Variants in SLC44A5 observed in about 807,000 individuals in gnomAD.
SLC44A5 encodes choline transporter-like protein 5.
SLC44A5 carries 57 observed loss-of-function variants against 101.8 expected under a neutral mutation model. That is an observed-to-expected ratio of 0.56 (90% CI 0.45 to 0.70). The LOEUF (loss-of-function observed/expected upper bound fraction) is 0.70. Ranked by LOEUF, SLC44A5 falls within the 30% of genes least tolerant of loss-of-function variation. The pLI, the probability that SLC44A5 is intolerant of heterozygous loss-of-function variation, is 0.00. For missense variants in SLC44A5, 737 were observed against 853.1 expected (o/e 0.86, Z 1.70); for synonymous variants, 281 against 290.9 (o/e 0.97, Z 0.35).
At chr1:75,330,196 C>CAT (rs772833551) in intron 4 of SLC44A5, among the ~76,000 whole-genome samples, 13 of 137,222 alleles carry the variant, frequency 9.5e-5, no homozygotes, top group South Asian at 2.4e-4. Flanking sequence ...TACGTATATG[C>CAT]ATATATATAT....
At chr1:75,509,731 A>T (rs1214179973) in intron 2 of SLC44A5, among the ~76,000 whole-genome samples, 1 of 152,320 alleles carries the variant, frequency 6.6e-6, no homozygotes, top group East Asian at 1.9e-4. Context: ...TACAGAGACA[A>T]AATACAGTGC....
intron 7 of SLC44A5, among the ~76,000 whole-genome samples, chr1:75,250,233 A>T (rs536727856): frequency 6.6e-6 from 1 of 152,092 alleles, no homozygotes; most frequent in African/African-American, 2.4e-5. Flanking sequence ...GCTGTCACTT[A>T]TAAGTGAGAA....
At chr1:75,211,378 G>T in intron 23 of SLC44A5, 90 bp downstream of exon 23, 1 of 958,798 alleles carries the variant, frequency 1.0e-6, no homozygotes, top group Non-Finnish European at 1.6e-6. Flanking sequence ...GGTAACAGCA[G>T]ATCCCCAAGC....
chr1:75,403,389 G>GCCTC (rs1469312744), intron 2 of SLC44A5, among the ~76,000 whole-genome samples: 1 of 152,316 alleles, frequency 6.6e-6, no homozygotes, highest in South Asian at 2.1e-4. Context: ...TGACCCCTGT[G>GCCTC]CCTCCTGACT....
chr1:75,678,004 C>T, the SLC44A5 span: 9 of 186,054 alleles, frequency 4.8e-5, no homozygotes, highest in East Asian at 1.8e-4. Flanking sequence ...GGGTGATGGA[C>T]GGCACCAGGA....
At chr1:75,278,508 A>G (rs992535196) in intron 5 of SLC44A5, among the ~76,000 whole-genome samples, 1 of 152,162 alleles carries the variant, frequency 6.6e-6, no homozygotes, top group Non-Finnish European at 1.5e-5. Context: ...TCTTGAAATA[A>G]TAGTCACAGA....
chr1:75,423,406 G>C (rs989116952), intron 2 of SLC44A5, among the ~76,000 whole-genome samples: 5 of 152,156 alleles, frequency 3.3e-5, no homozygotes, highest in Admixed American at 2.6e-4. Flanking sequence ...ATCTAACACA[G>C]AACAAGAAAG....
At chr1:75,477,482 G>A (rs1186312673) in intron 2 of SLC44A5, among the ~76,000 whole-genome samples, 2 of 152,038 alleles carry the variant, frequency 1.3e-5, no homozygotes, top group African/African-American at 4.8e-5. Context: ...CAAACCAAAG[G>A]CAAAGAAGTT....
intron 2 of SLC44A5, among the ~76,000 whole-genome samples, chr1:75,424,241 C>G (rs1183656344): frequency 6.6e-6 from 1 of 152,110 alleles, no homozygotes; most frequent in East Asian, 1.9e-4. Flanking sequence ...GCCTACACAC[C>G]CCACCCCCTT....
intron 3 of SLC44A5, among the ~76,000 whole-genome samples, chr1:75,372,232 AAG>A (rs1660276526): frequency 6.6e-6 from 1 of 152,010 alleles, no homozygotes; most frequent in Non-Finnish European, 1.5e-5. Context: ...AGGGTAAGGA[AAG>A]AGCTTTTTCC....
chr1:75,330,094 A>AATATAT (rs372949929), intron 4 of SLC44A5, among the ~76,000 whole-genome samples: 10 of 147,338 alleles, frequency 6.8e-5, no homozygotes, highest in African/African-American at 2.3e-4. Context: ...TGGCAAATGA[A>AATATAT]ATATATATAT....
At chr1:75,245,275 C>G (rs890710038) in intron 7 of SLC44A5, among the ~76,000 whole-genome samples, 3 of 152,094 alleles carry the variant, frequency 2.0e-5, no homozygotes, top group Non-Finnish European at 2.9e-5. Flanking sequence ...TATTCATGTA[C>G]CTTCAGAGAA....
rs1665060276 is a variant in SLC44A5, at chr1:75,439,298, G to A, written c.14-42677C>T. Among the ~76,000 whole-genome samples, 4 of 152,052 alleles carry A rather than the reference G, an allele frequency of 2.6e-5. No individual in the cohort carries two copies. In the South Asian group the frequency reaches 8.3e-4, roughly 31 times the overall value. On this transcript the variant is annotated intron_variant, in intron 2 of 23. Transcript: ENST00000370859. ...GGTTTCTCCACCTTTGGAGCCATGA[G>A]CCAATAAATTTCTGTTTATATAAGT...
chr1:75,426,230 T>C (rs919624810), intron 2 of SLC44A5, among the ~76,000 whole-genome samples: 9 of 152,172 alleles, frequency 5.9e-5, no homozygotes, highest in Non-Finnish European at 1.0e-4. Context: ...AGCCAAACCG[T>C]AGCAGGATTT....
intron 3 of SLC44A5, among the ~76,000 whole-genome samples, chr1:75,355,991 C>A (rs963897849): frequency 4.6e-5 from 7 of 151,714 alleles, no homozygotes; most frequent in African/African-American, 1.7e-4. Flanking sequence ...GTGGGCAGAT[C>A]ATCTGAGGTC....
At chr1:75,465,019 G>A (rs2101708796) in intron 2 of SLC44A5, among the ~76,000 whole-genome samples, 1 of 152,214 alleles carries the variant, frequency 6.6e-6, no homozygotes, top group African/African-American at 2.4e-5. Flanking sequence ...TACTTCATCT[G>A]CACTATAGAC....
chr1:75,681,474 A>T, the SLC44A5 span, among the ~76,000 whole-genome samples: 10 of 151,520 alleles, frequency 6.6e-5, no homozygotes, highest in Non-Finnish European at 1.5e-4. Context: ...AATAAATGTA[A>T]TCCAGCATAT....
intron 2 of SLC44A5, among the ~76,000 whole-genome samples, chr1:75,452,213 C>G (rs1250494579): frequency 6.6e-6 from 1 of 152,098 alleles, no homozygotes; most frequent in African/African-American, 2.4e-5. Flanking sequence ...CAGCAGAAAC[C>G]TTACAAGCCA....
At chr1:75,476,640 C>G (rs565719529) in intron 2 of SLC44A5, among the ~76,000 whole-genome samples, 1 of 152,222 alleles carries the variant, frequency 6.6e-6, no homozygotes, top group Admixed American at 6.5e-5. Context: ...CACGGAGTCT[C>G]GCTGATTGCT....
Sources: gnomAD v4.1 joint callset for allele counts (sites outside exome capture counted in the v4.1 genomes callset) on GRCh38, gnomAD v4.1.1 for gene constraint, MANE v1.5 for transcripts, NCBI Gene and HGNC (gene_info 2026-07-23, HGNC 2026-07-21) for gene names.